RIPOR2: variants seen among roughly 807,000 people sequenced by gnomAD.
RIPOR2 encodes rho family-interacting cell polarization regulator 2.
Under a neutral mutation model 114.5 loss-of-function variants are expected in RIPOR2, and 39 were observed. The observed-to-expected ratio is 0.34, with a 90% confidence interval of 0.26 to 0.44. The LOEUF (loss-of-function observed/expected upper bound fraction) is 0.44, where lower values mean the gene tolerates loss of function less well. RIPOR2 is among the 20% of genes least tolerant of loss of function. The probability of loss-of-function intolerance (pLI) is 1.00; values close to 1 mark genes in which losing one functional copy is unlikely to be tolerated. For missense variants in RIPOR2, 1,007 were observed against 1,255.1 expected (o/e 0.80, Z 2.99); for synonymous variants, 445 against 484.4 (o/e 0.92, Z 1.07).
chr6:25,001,109 C>T (rs1305389941), intron 1 of RIPOR2, among the ~76,000 whole-genome samples: 3 of 152,152 alleles, frequency 2.0e-5, no homozygotes, highest in Admixed American at 6.5e-5. Context: ...CACATATATA[C>T]GTGTAAACAC....
chr6:25,001,938 G>C, intron 1 of RIPOR2, among the ~76,000 whole-genome samples: 1 of 151,830 alleles, frequency 6.6e-6, no homozygotes, highest in Non-Finnish European at 1.5e-5. Context: ...TCGATCTCCT[G>C]ACCTTGTGAT....
At chr6:24,902,246 A>G (rs1768537116) in intron 1 of RIPOR2, among the ~76,000 whole-genome samples, 1 of 150,966 alleles carries the variant, frequency 6.6e-6, no homozygotes, top group African/African-American at 2.4e-5. Context: ...CAGAGTTTCA[A>G]CCTTGTTGCC....
In RIPOR2 at chr6:24,843,223, C is replaced by T. The variant is rs1490391303; in HGVS notation, c.1496G>A (p.Arg499His). 8.7e-6 allele frequency: 14 copies of T among 1,613,906 alleles called. No homozygotes were observed. Among genetic ancestry groups the T allele is most frequent in the African/African-American group, 2.7e-5 (2 of 74,934 alleles). Residue 499 changes from arginine to histidine, a missense_variant, in exon 13 of 22, where the codon CGC becomes CAC. Transcript: ENST00000643898. ...AGCCCCAGCACCTGAGGACTGTCGG[C>T]GGCAAGCCTCAGATGGGGCCGAGGC... is the stretch of plus-strand genomic sequence containing the variant. ...KPASAPSEACRRQSSGAGAEH... is the reference protein window; with the variant it reads ...KPASAPSEACHRQSSGAGAEH...
chr6:25,039,367 T>C (rs1451278188), intron 1 of RIPOR2, among the ~76,000 whole-genome samples: 1 of 152,198 alleles, frequency 6.6e-6, no homozygotes, highest in Non-Finnish European at 1.5e-5. Flanking sequence ...AAATGTCACT[T>C]GATCCTGTTC....
At chr6:24,932,794 C>T (rs1771504254) in intron 1 of RIPOR2, among the ~76,000 whole-genome samples, 1 of 152,166 alleles carries the variant, frequency 6.6e-6, no homozygotes, top group African/African-American at 2.4e-5. Flanking sequence ...AGCTTCTGGG[C>T]ATTTTCCTTT....
intron 13 of RIPOR2, chr6:24,839,735 CA>C: frequency 6.9e-7 from 1 of 1,440,044 alleles, no homozygotes; most frequent in Non-Finnish European, 9.0e-7. Context: ...TAAAATACCA[CA>C]AGCAGACAAA....
intron 1 of RIPOR2, among the ~76,000 whole-genome samples, chr6:24,977,857 T>A (rs1354990500): frequency 6.6e-6 from 1 of 152,172 alleles, no homozygotes; most frequent in African/African-American, 2.4e-5. Flanking sequence ...CCTACCTCCA[T>A]GTATTCATCT....
At chr6:24,953,419 G>A (rs570972176) in intron 1 of RIPOR2, among the ~76,000 whole-genome samples, 1 of 152,284 alleles carries the variant, frequency 6.6e-6, no homozygotes, top group African/African-American at 2.4e-5. Context: ...AGAGACACTG[G>A]AGAGCCCTCT....
At chr6:24,920,305 A>G (rs964848322) in intron 1 of RIPOR2, among the ~76,000 whole-genome samples, 6 of 152,252 alleles carry the variant, frequency 3.9e-5, no homozygotes, top group Admixed American at 3.9e-4. Flanking sequence ...AAATGCAAGC[A>G]TGTGAACTTG....
At chr6:24,974,273 T>C (rs1266111670) in intron 1 of RIPOR2, among the ~76,000 whole-genome samples, 2 of 152,064 alleles carry the variant, frequency 1.3e-5, no homozygotes, top group Non-Finnish European at 2.9e-5. Context: ...GTGGTCCTAG[T>C]TATTGAGGAT....
chr6:24,877,718 T>C (rs908164980), intron 1 of RIPOR2, among the ~76,000 whole-genome samples: 1 of 152,204 alleles, frequency 6.6e-6, no homozygotes, highest in African/African-American at 2.4e-5. Context: ...GTGCAACTTA[T>C]GAATGGAGTA....
intron 1 of RIPOR2, among the ~76,000 whole-genome samples, chr6:25,032,990 A>G (rs1475422915): frequency 6.6e-6 from 1 of 152,220 alleles, no homozygotes; most frequent in Non-Finnish European, 1.5e-5. Context: ...AAATTGCTTG[A>G]GCCCACAAGT....
chr6:24,958,873 C>T lies in RIPOR2; in HGVS notation c.76+82978G>A, dbSNP rs148064080. Among the ~76,000 whole-genome samples, 531 of 151,992 alleles carry T rather than the reference C, an allele frequency of 3.5e-3. 2 individuals carry two copies. The highest frequency in any genetic ancestry group is 0.011 in the African/African-American group (468 of 41,432). ...ACTCTGAGAGAAAATCCCTTCCATG[C>T]CTCCTCTGTCTTAGCTTCTGGAAAT... On this transcript the variant is annotated intron_variant, in intron 1 of 13. Transcript: ENST00000510784.
intron 1 of RIPOR2, among the ~76,000 whole-genome samples, chr6:24,913,121 G>A (rs1581785429): frequency 6.6e-6 from 1 of 151,518 alleles, no homozygotes; most frequent in African/African-American, 2.4e-5. Flanking sequence ...ATCTTGCTGA[G>A]GTTTGGGCAT....
At chr6:24,871,639 C>A (rs1258301985) in intron 4 of RIPOR2, among the ~76,000 whole-genome samples, 1 of 152,248 alleles carries the variant, frequency 6.6e-6, no homozygotes, top group African/African-American at 2.4e-5. Flanking sequence ...AGGTGTGAGC[C>A]ACCACGCCCG....
intron 1 of RIPOR2, among the ~76,000 whole-genome samples, chr6:25,010,368 C>T (rs938635732): frequency 2.4e-4 from 37 of 152,132 alleles, no homozygotes; most frequent in African/African-American, 8.9e-4. Flanking sequence ...GCTGGCACCC[C>T]TTCACCTCCC....
intron 1 of RIPOR2, among the ~76,000 whole-genome samples, chr6:24,909,818 T>C (rs1305694139): frequency 6.6e-6 from 1 of 152,112 alleles, no homozygotes; most frequent in Non-Finnish European, 1.5e-5. Flanking sequence ...TCAAGCAACA[T>C]GTAGGTATCT....
In RIPOR2 at chr6:24,858,247, C is replaced by A. The variant is rs1192257421; in HGVS notation, c.715+2726G>T. ...AGGCCAGGGAGCAGTCATCAGAATG[C>A]AGTCAAGTGCCTGGCCAATAGCAGG... On this transcript the variant is annotated intron_variant, in intron 8 of 21. Coordinates refer to ENST00000643898, the MANE Select transcript of RIPOR2 (RefSeq NM_001286445.3). This position sits in a 1 kb window ranked among gnomAD's most constrained non-coding sequence, Gnocchi z 4.0. 6.6e-6 allele frequency among the ~76,000 whole-genome samples: 1 copy of A among 152,180 alleles called. No homozygotes were observed. Among genetic ancestry groups the A allele is most frequent in the East Asian group, 1.9e-4 (1 of 5,190 alleles).
intron 1 of RIPOR2, among the ~76,000 whole-genome samples, chr6:24,990,046 AT>A (rs1195281868): frequency 6.6e-6 from 1 of 152,078 alleles, no homozygotes; most frequent in Non-Finnish European, 1.5e-5. Flanking sequence ...ATAAAAAAAA[AT>A]AAAAAAATAC....
Sources: allele counts gnomAD v4.1 joint callset (sites outside exome capture counted in the v4.1 genomes callset), GRCh38; gene constraint gnomAD v4.1.1; non-coding constraint Gnocchi (gnomAD v3.1); transcripts MANE v1.5; gene names NCBI Gene and HGNC (gene_info 2026-07-23, HGNC 2026-07-21).